The following KANK3 variants were observed in gnomAD, a reference collection of about 807,000 sequenced individuals.
KANK3 encodes KN motif and ankyrin repeat domain-containing protein 3.
A neutral mutation model predicts 65.4 loss-of-function variants in KANK3; 61 were observed. The ratio of observed to expected loss-of-function variants is 0.93; its 90% CI spans 0.76 to 1.15. KANK3 has a LOEUF of 1.15. Ranked by LOEUF, KANK3 falls within the 50% of genes most tolerant of loss-of-function variation. The pLI, the probability that KANK3 is intolerant of heterozygous loss-of-function variation, is 0.00. For missense variants in KANK3, 1,187 were observed against 1,178.8 expected (o/e 1.01, Z -0.10); for synonymous variants, 586 against 543.3 (o/e 1.08, Z -1.09).
chr19:8,338,832 G>A (rs770538126), intron 1 of KANK3, among the ~76,000 whole-genome samples: 3 of 135,880 alleles, frequency 2.2e-5, no homozygotes, highest in African/African-American at 2.8e-5. Context: ...CTGAGGTGGC[G>A]CCACTGCACT....
In KANK3 at chr19:8,335,268, G is replaced by A. The variant is rs1229875110; in HGVS notation, c.559C>T (p.Arg187Cys). 5 of 1,220,996 alleles carry A rather than the reference G, an allele frequency of 4.1e-6. No individual in the cohort carries two copies. Among genetic ancestry groups the A allele is most frequent in the Non-Finnish European group, 5.1e-6 (5 of 980,010 alleles). 75.6% of individuals were successfully genotyped at this position (1,220,996 alleles called of 1,614,324 possible). A position where few individuals can be genotyped will look rare whatever the true frequency, so the allele number is the denominator to read the frequency against. The change falls in exon 3 of 11, where the codon CGC becomes TGC. Residue 187 changes from arginine (R) to cysteine (C), a missense_variant. By Grantham distance (180) the Arg-to-Cys change is radical. Transcript: ENST00000330915. ...SPGPAQLQLVREQMAAALRRL... is the reference protein window; with the variant it reads ...SPGPAQLQLVCEQMAAALRRL... ...CGCAGCGCCGCGGCCATCTGCTCGC[G>A]CACCAGCTGCAGTTGGGCAGGGCCG...
At chr19:8,342,666 C>G (rs1970735760) in intron 1 of KANK3, among the ~76,000 whole-genome samples, 1 of 147,612 alleles carries the variant, frequency 6.8e-6, no homozygotes, top group Non-Finnish European at 1.5e-5. Flanking sequence ...CTGGGACTCT[C>G]AGACTCTTGA....
At chr19:8,342,521 A>G (rs1036892875) in intron 1 of KANK3, among the ~76,000 whole-genome samples, 2 of 152,066 alleles carry the variant, frequency 1.3e-5, no homozygotes. Flanking sequence ...CTCCCGCCCC[A>G]GGGACTATTT....
chr19:8,333,642 C>T lies in KANK3; in HGVS notation c.1719+82G>A, dbSNP rs1462619025. On this transcript the variant is annotated intron_variant, in intron 6 of 10. Transcript: ENST00000330915. This position sits in a 1 kb window ranked among gnomAD's most constrained non-coding sequence, Gnocchi z 5.0. ...GTGCCTGGCGGGAAGGGATGGAACC[C>T]GGTGTGCTCCCCTAAGTGGGCGTCA... is the stretch of plus-strand genomic sequence containing the variant. 1.1e-5 allele frequency: 13 copies of T among 1,161,970 alleles called. No individual in the cohort carries two copies. The highest frequency in any genetic ancestry group is 1.5e-5 in the Non-Finnish European group (13 of 860,260). The allele number at this position is 1,161,970 out of a possible 1,614,324, so 72.0% of individuals were successfully genotyped here.
rs1472181365 is a variant in KANK3, at chr19:8,340,291, T to TATATATATATATATATATACACAC, written c.-28-2436_-28-2435insGTGTGTATATATATATATATATAT. Among the ~76,000 whole-genome samples the TATATATATATATATATATACACAC allele has an allele frequency of 3.3e-4, 31 of 92,854 alleles. 1 individual carries two copies. The highest frequency in any genetic ancestry group is 4.2e-4 in the Non-Finnish European group (20 of 47,434). The allele number at this position is 92,854 out of a possible 152,430, so 60.9% of individuals were successfully genotyped here. A position where few individuals can be genotyped will look rare whatever the true frequency, so the allele number is the denominator to read the frequency against. The stretch of plus-strand genomic sequence containing the variant: ...AAAAAAAACCATATATATATATATA[T>TATATATATATATATATATACACAC]ACACACACACACACACACACACACA... On this transcript the variant is annotated intron_variant, in intron 1 of 10. Coordinates refer to ENST00000330915, the MANE Select transcript of KANK3 (RefSeq NM_198471.3).
At chr19:8,330,225 G>A (rs1970499750) in intron 7 of KANK3, among the ~76,000 whole-genome samples, 2 of 152,188 alleles carry the variant, frequency 1.3e-5, no homozygotes, top group Admixed American at 6.6e-5. Context: ...GGGCGTTAGT[G>A]TATGTGACAG....
chr19:8,325,920 A>C (rs560905164), intron 7 of KANK3, among the ~76,000 whole-genome samples: 1 of 152,142 alleles, frequency 6.6e-6, no homozygotes, highest in Admixed American at 6.5e-5. Flanking sequence ...TCTGCCTCCC[A>C]GGTTTAAGCG....
chr19:8,326,973 C>T (rs749320413), intron 7 of KANK3, among the ~76,000 whole-genome samples: 8 of 152,136 alleles, frequency 5.3e-5, no homozygotes, highest in Admixed American at 3.3e-4. Flanking sequence ...GGGATCAGTT[C>T]TGTTACCATC....
chr19:8,331,342 A>G (rs929903212), intron 7 of KANK3, among the ~76,000 whole-genome samples: 9 of 152,022 alleles, frequency 5.9e-5, no homozygotes, highest in Non-Finnish European at 1.2e-4. Flanking sequence ...ATGCCCAAAA[A>G]ATTCACTTAG....
intron 1 of KANK3, 66 bp from the exon 2 acceptor site, chr19:8,337,922 T>C: frequency 8.8e-6 from 14 of 1,591,678 alleles, no homozygotes; most frequent in Non-Finnish European, 1.2e-5. Context: ...GGCCTGCCTT[T>C]GAGTCTAAGC....
chr19:8,331,182 A>G (rs2972577), intron 7 of KANK3, among the ~76,000 whole-genome samples: 24,373 of 149,876 alleles, frequency 0.16, 2,221 homozygotes, highest in Non-Finnish European at 0.21. Context: ...GCGACAGAGC[A>G]AGACTCCATA....
rs1469820578 is a variant in KANK3 at position 8,333,287 on chromosome 19, G to C, written c.1720-57C>G. ...CGATGGTCCACGGCGGCGCCGTGGT[G>C]GGGGAGCTGGGGAGGGGCGGGACTG... On this transcript the variant is annotated intron_variant, in intron 6 of 10. Transcript: ENST00000330915. The surrounding 1 kb of genome is among the most constrained non-coding windows in gnomAD (Gnocchi z 5.0). The C allele has an allele frequency of 5.0e-6, 7 of 1,407,190 alleles. No individual in the cohort carries two copies. Among genetic ancestry groups the C allele is most frequent in the Non-Finnish European group, 6.8e-6 (7 of 1,026,198 alleles). The allele number at this position is 1,407,190 out of a possible 1,614,324, so 87.2% of individuals were successfully genotyped here. A position where few individuals can be genotyped will look rare whatever the true frequency, so the allele number is the denominator to read the frequency against.
Position 8,334,436 on chromosome 19 carries a change from G to A in KANK3, c.1328-17C>T, listed in dbSNP as rs780133358. On this transcript the variant is annotated splice_polypyrimidine_tract_variant and intron_variant, in intron 3 of 10. Transcript: ENST00000330915. ...TGAGGATGCCTGGCGGGGATGAGAT[G>A]AGGGCACTGAGTTCGAGTCCGGCGC... 1 of 1,613,130 alleles carries A rather than the reference G, an allele frequency of 6.2e-7. No individual in the cohort carries two copies. Among genetic ancestry groups the A allele is most frequent in the Non-Finnish European group, 8.5e-7 (1 of 1,180,006 alleles).
rs529108334 is a variant in KANK3, at chr19:8,324,524, G to A, written c.2307C>T (p.Ile769=). The change falls in exon 10 of 11, where the codon ATC becomes ATT. Residue 769 remains isoleucine, a synonymous_variant. Coordinates refer to ENST00000330915, the MANE Select transcript of KANK3 (RefSeq NM_198471.3). ...CCTCATCCTGCTCAGCCTCCAGGGCGATGGCCAGGGCACTGGTGCCCTCCT... is the reference window on the plus strand; with the variant it reads ...CCTCATCCTGCTCAGCCTCCAGGGCAATGGCCAGGGCACTGGTGCCCTCCT... ...LDNEGTSALA[I]ALEAEQDEVA... The A allele has an allele frequency of 1.8e-4, 289 of 1,613,596 alleles. No individual in the cohort carries two copies. Among genetic ancestry groups the A allele is most frequent in the Middle Eastern group, 1.3e-3 (8 of 6,084 alleles).
intron 1 of KANK3, among the ~76,000 whole-genome samples, chr19:8,341,223 C>CTT (rs34406874): frequency 7.2e-6 from 1 of 138,736 alleles, no homozygotes; most frequent in Non-Finnish European, 1.6e-5. Flanking sequence ...TGGATATTTA[C>CTT]TTTTTTTTTT....
intron 1 of KANK3, among the ~76,000 whole-genome samples, chr19:8,339,844 G>A (rs1432320804): frequency 6.6e-6 from 1 of 151,696 alleles, no homozygotes; most frequent in Non-Finnish European, 1.5e-5. Flanking sequence ...TGCACCTGTA[G>A]TCCCAGCTAC....
At chr19:8,328,035 C>G (rs1970458350) in intron 7 of KANK3, among the ~76,000 whole-genome samples, 1 of 151,952 alleles carries the variant, frequency 6.6e-6, no homozygotes, top group Admixed American at 6.6e-5. Flanking sequence ...TTCCAGAACA[C>G]TGGAGGCCAA....
In KANK3 at chr19:8,335,676, A is replaced by T. The variant is rs1970625122; in HGVS notation, c.151T>A (p.Tyr51Asn). 3.2e-6 allele frequency: 4 copies of T among 1,254,814 alleles called. No homozygotes were observed. Among genetic ancestry groups the T allele is most frequent in the Non-Finnish European group, 4.0e-6 (4 of 996,116 alleles). The allele number at this position is 1,254,814 out of a possible 1,614,324, so 77.7% of individuals were successfully genotyped here. The change falls in exon 3 of 11, where the codon TAC becomes AAC. Residue 51 changes from tyrosine (Y) to asparagine (N), a missense_variant. Transcript: ENST00000330915. ...GFHLDLDFLK[Y>N]IEELERGPAA... ...GGGCCACGCTCCAGCTCCTCTATGT[A>T]CTTGAGGAAGTCCAGGTCCAGGTGG...
Position 8,333,297 on chromosome 19 carries a change from G to A in KANK3, c.1720-67C>T, listed in dbSNP as rs1408424713. 4.5e-6 allele frequency: 6 copies of A among 1,319,340 alleles called. No individual in the cohort carries two copies. In the Admixed American group the frequency reaches 1.2e-4, roughly 26 times the overall value. 81.7% of individuals were successfully genotyped at this position (1,319,340 alleles called of 1,614,324 possible). On this transcript the variant is annotated intron_variant, in intron 6 of 10. Transcript: ENST00000330915. The surrounding 1 kb of genome is among the most constrained non-coding windows in gnomAD (Gnocchi z 5.0). Reference sequence around the variant, plus strand: ...CGGCGGCGCCGTGGTGGGGGAGCTGGGGAGGGGCGGGACTGGGAAGAGACC... The same window carrying A: ...CGGCGGCGCCGTGGTGGGGGAGCTGAGGAGGGGCGGGACTGGGAAGAGACC...
Sources: gnomAD v4.1 joint callset for allele counts (sites outside exome capture counted in the v4.1 genomes callset) on GRCh38, gnomAD v4.1.1 for gene constraint, Gnocchi (gnomAD v3.1) non-coding constraint, MANE v1.5 for transcripts, NCBI Gene and HGNC (gene_info 2026-07-23, HGNC 2026-07-21) for gene names.